HEMK2: variants seen among roughly 807,000 people sequenced by gnomAD.
HEMK2 encodes methyltransferase HEMK2.
At chr21:28,595,119 G>A in the HEMK2 span, among the ~76,000 whole-genome samples, 22 of 151,992 alleles carry the variant, frequency 1.4e-4, no homozygotes, top group African/African-American at 3.6e-4. Context: ...CATAATAATC[G>A]CATCATGGAA....
At chr21:28,701,640 C>A in the HEMK2 span, among the ~76,000 whole-genome samples, 6 of 150,456 alleles carry the variant, frequency 4.0e-5, no homozygotes, top group African/African-American at 1.5e-4. Context: ...TGAAAGATTT[C>A]TACAATGAGA....
the HEMK2 span, among the ~76,000 whole-genome samples, chr21:28,654,634 C>T: frequency 0.011 from 1,679 of 152,156 alleles, 23 homozygotes; most frequent in African/African-American, 0.037. Flanking sequence ...TTTCTCTTAA[C>T]GTCTCATTTT....
chr21:28,822,867 TACTC>T, the HEMK2 span, among the ~76,000 whole-genome samples: 3 of 122,884 alleles, frequency 2.4e-5, no homozygotes, highest in African/African-American at 1.6e-4. Flanking sequence ...TAACGTCCAT[TACTC>T]CATTCGATTT....
At chr21:28,803,475 C>T in the HEMK2 span, among the ~76,000 whole-genome samples, 226 of 152,304 alleles carry the variant, frequency 1.5e-3, 1 homozygote, top group African/African-American at 5.2e-3. Context: ...GTGGTCCAAT[C>T]TCAATCTACT....
At chr21:28,743,680 G>A in the HEMK2 span, among the ~76,000 whole-genome samples, 1 of 152,154 alleles carries the variant, frequency 6.6e-6, no homozygotes, top group Non-Finnish European at 1.5e-5. Context: ...GTTTAATTAA[G>A]GAATTCATCC....
chr21:28,833,041 C>G, the HEMK2 span, among the ~76,000 whole-genome samples: 1 of 152,172 alleles, frequency 6.6e-6, no homozygotes, highest in African/African-American at 2.4e-5. Context: ...GACTAACACT[C>G]AGAAAAGGTG....
the HEMK2 span, among the ~76,000 whole-genome samples, chr21:28,623,861 C>A: frequency 1.3e-5 from 2 of 152,072 alleles, no homozygotes; most frequent in Non-Finnish European, 2.9e-5. Flanking sequence ...AGAGGGATAG[C>A]ATTATGAGAA....
the HEMK2 span, among the ~76,000 whole-genome samples, chr21:28,732,638 G>C: frequency 6.6e-6 from 1 of 152,190 alleles, no homozygotes; most frequent in Non-Finnish European, 1.5e-5. Context: ...GAAAGGGACT[G>C]GCAGGGGGGC....
At chr21:28,644,760 A>G in the HEMK2 span, among the ~76,000 whole-genome samples, 2 of 152,234 alleles carry the variant, frequency 1.3e-5, no homozygotes, top group Non-Finnish European at 2.9e-5. Context: ...ATTTCATAAT[A>G]AATTGGCTAA....
the HEMK2 span, among the ~76,000 whole-genome samples, chr21:28,752,076 T>C: frequency 3.9e-5 from 6 of 152,280 alleles, no homozygotes; most frequent in Non-Finnish European, 7.3e-5. Flanking sequence ...GATTAGTCTC[T>C]GGTTCCCACT....
the HEMK2 span, among the ~76,000 whole-genome samples, chr21:28,608,007 G>A: frequency 2.5e-4 from 38 of 152,174 alleles, no homozygotes; most frequent in African/African-American, 7.7e-4. Flanking sequence ...TTTTCCATCC[G>A]AAACAAACAA....
the HEMK2 span, among the ~76,000 whole-genome samples, chr21:28,842,262 TTA>T: frequency 1.3e-4 from 20 of 152,138 alleles, no homozygotes; most frequent in Admixed American, 1.2e-3. Context: ...TCATATAAAA[TTA>T]TATCTTATTA....
At chr21:28,787,728 G>A in the HEMK2 span, among the ~76,000 whole-genome samples, 418 of 152,238 alleles carry the variant, frequency 2.7e-3, 2 homozygotes, top group Non-Finnish European at 5.0e-3. Context: ...GCATGGATGC[G>A]GTGAGCAGTG....
At chr21:28,804,525 A>G in the HEMK2 span, among the ~76,000 whole-genome samples, 58 of 152,316 alleles carry the variant, frequency 3.8e-4, no homozygotes, top group African/African-American at 1.3e-3. Context: ...GTTTGAGCCC[A>G]GGAGTTCAAG....
the HEMK2 span, among the ~76,000 whole-genome samples, chr21:28,594,715 A>G: frequency 6.6e-6 from 1 of 152,168 alleles, no homozygotes; most frequent in Non-Finnish European, 1.5e-5. Flanking sequence ...TTAAATCTAA[A>G]TCTCTTTTTC....
chr21:28,600,861 G>GT, the HEMK2 span, among the ~76,000 whole-genome samples: 1 of 152,148 alleles, frequency 6.6e-6, no homozygotes, highest in Non-Finnish European at 1.5e-5. Context: ...GGGGCAAAAT[G>GT]CCACCAGTCT....
At chr21:28,688,945 T>G in the HEMK2 span, among the ~76,000 whole-genome samples, 1 of 152,192 alleles carries the variant, frequency 6.6e-6, no homozygotes, top group Non-Finnish European at 1.5e-5. Flanking sequence ...ATTGTTCATA[T>G]GCTGTCAGGC....
the HEMK2 span, among the ~76,000 whole-genome samples, chr21:28,736,075 G>A: frequency 1.3e-5 from 2 of 152,336 alleles, no homozygotes; most frequent in South Asian, 4.1e-4. Flanking sequence ...ATTACAAGGA[G>A]GGTAGACACA....
At chr21:28,643,165 A>C in the HEMK2 span, among the ~76,000 whole-genome samples, 1 of 152,226 alleles carries the variant, frequency 6.6e-6, no homozygotes, top group East Asian at 1.9e-4. Flanking sequence ...TGAAGGTGTC[A>C]GCAACCACTT....
Sources: gnomAD v4.1 joint callset for allele counts (sites outside exome capture counted in the v4.1 genomes callset) on GRCh38, gnomAD v4.1.1 for gene constraint, MANE v1.5 for transcripts, NCBI Gene and HGNC (gene_info 2026-07-23, HGNC 2026-07-21) for gene names.